TMPRSS2: variants seen among roughly 807,000 people sequenced by gnomAD.
TMPRSS2 encodes transmembrane protease serine 2.
Under a neutral mutation model 67.4 loss-of-function variants are expected in TMPRSS2, and 59 were observed. The observed-to-expected ratio is 0.88, with a 90% CI of 0.71 to 1.09. TMPRSS2 has a LOEUF of 1.09. Among genes scored for constraint, TMPRSS2 ranks in the 50% least tolerant of loss-of-function variants. The pLI is 0.00. For synonymous variants in TMPRSS2, 257 were observed against 257.0 expected (o/e 1.00, Z 0.00); for missense variants, 668 against 642.7 (o/e 1.04, Z -0.43).
At chr21:41,468,281 G>A in intron 12 of TMPRSS2, 115 bp downstream of exon 12, 13 of 1,370,226 alleles carry the variant, frequency 9.5e-6, no homozygotes, top group South Asian at 2.7e-5. Flanking sequence ...TGACTGCCCC[G>A]AGCTGGCTCC....
At chr21:41,503,376 G>T (rs1363459190) in intron 1 of TMPRSS2, among the ~76,000 whole-genome samples, 2 of 152,210 alleles carry the variant, frequency 1.3e-5, no homozygotes, top group Non-Finnish European at 2.9e-5. Context: ...ACTTGTCCAA[G>T]TCAATCTGTA....
In TMPRSS2 at chr21:41,502,677, C is replaced by T. The variant is rs532511763; in HGVS notation, c.-56-4488G>A. On this transcript the variant is annotated intron_variant, in intron 1 of 13. Coordinates refer to ENST00000332149, the MANE Select transcript of TMPRSS2 (RefSeq NM_005656.4). The stretch of plus-strand genomic sequence containing the variant: ...GTTAGCCAACAGTGGATTTCAGTGG[C>T]TGTTCAGCAGAAACTTGTTTATGTA... The T allele has an allele frequency of 6.6e-6, 5 of 760,988 alleles. No individual in the cohort carries two copies. The African/African-American group carries it at 9.5e-5, about 14-fold the overall frequency. The allele number at this position is 760,988 out of a possible 1,614,324, so 47.1% of individuals were successfully genotyped here.
intron 10 of TMPRSS2, 133 bp from the exon 11 acceptor site, chr21:41,470,876 C>A: frequency 3.3e-6 from 2 of 599,970 alleles, no homozygotes; most frequent in South Asian, 2.4e-5. Context: ...CCAACAAGTC[C>A]CACATTCTCA....
intron 8 of TMPRSS2, among the ~76,000 whole-genome samples, chr21:41,473,920 T>TGAG (rs1456428359): frequency 1.1e-5 from 1 of 92,592 alleles, no homozygotes; most frequent in African/African-American, 4.4e-5. Context: ...AAGGGGTGAG[T>TGAG]GAGGGAGTGA....
At chr21:41,483,455 T>G (rs1488121106) in intron 5 of TMPRSS2, among the ~76,000 whole-genome samples, 1 of 152,120 alleles carries the variant, frequency 6.6e-6, no homozygotes, top group African/African-American at 2.4e-5. Flanking sequence ...GCTAATTTTG[T>G]ATTTTTAGTA....
intron 9 of TMPRSS2, 29 bp downstream of exon 9, chr21:41,473,296 C>T (rs1372768696): frequency 1.3e-6 from 2 of 1,551,092 alleles, no homozygotes; most frequent in Admixed American, 3.7e-5. Context: ...CCCTGAGCCC[C>T]CACCCGGCCC....
In TMPRSS2 at chr21:41,478,882, G is replaced by T. The variant is rs561570726; in HGVS notation, c.683+290C>A. Among the ~76,000 whole-genome samples, 1 of 152,340 alleles carries T rather than the reference G, an allele frequency of 6.6e-6. No individual in the cohort carries two copies. Among genetic ancestry groups the T allele is most frequent in the Admixed American group, 6.5e-5 (1 of 15,304 alleles). ...CACCTCTAAATGTCTGAAGAGGAAA[G>T]AAAACTAAATAGAGTTGAATGTCGA... On this transcript the variant is annotated intron_variant, in intron 7 of 13. Transcript: ENST00000332149. This position sits in a 1 kb window ranked among gnomAD's most constrained non-coding sequence, Gnocchi z 4.0.
intron 13 of TMPRSS2, 102 bp from the exon 14 acceptor site, chr21:41,466,255 A>C: frequency 2.6e-6 from 3 of 1,167,692 alleles, no homozygotes; most frequent in Non-Finnish European, 3.8e-6. Flanking sequence ...TAGAAACCAA[A>C]TAAGCAAGCT....
At chr21:41,507,207 C>T (rs2091463853) in intron 1 of TMPRSS2, among the ~76,000 whole-genome samples, 1 of 152,318 alleles carries the variant, frequency 6.6e-6, no homozygotes, top group South Asian at 2.1e-4. Flanking sequence ...AGCAGAGCGC[C>T]CACTGCCAGA....
At chr21:41,499,491 T>G (rs2091409052) in intron 1 of TMPRSS2, among the ~76,000 whole-genome samples, 1 of 152,186 alleles carries the variant, frequency 6.6e-6, no homozygotes, top group Non-Finnish European at 1.5e-5. Flanking sequence ...ACTCTGGATA[T>G]CTGATCGGGT....
In TMPRSS2 at chr21:41,470,714, G is replaced by A. The variant is rs771215356; in HGVS notation, c.1105C>T (p.Pro369Ser). Residue 369 changes from proline (P) to serine (S), a missense_variant, in exon 11 of 14, where the codon CCA becomes TCA. Coordinates refer to ENST00000332149, the MANE Select transcript of TMPRSS2 (RefSeq NM_005656.4). ...TGTTCTGGCTGCAGCATCATGCCTGGGTTGGGCAGACACACTGGTTTCACT... is the reference window on the plus strand; with the variant it reads ...TGTTCTGGCTGCAGCATCATGCCTGAGTTGGGCAGACACACTGGTTTCACT... ...DLVKPVCLPNPGMMLQPEQLC... is the reference protein window; with the variant it reads ...DLVKPVCLPNSGMMLQPEQLC... 1.7e-5 allele frequency: 28 copies of A among 1,613,442 alleles called. No homozygotes were observed. The highest frequency in any genetic ancestry group is 1.9e-5 in the Non-Finnish European group (23 of 1,179,984).
chr21:41,468,834 C>T (rs9982402), intron 11 of TMPRSS2: 1 of 331,982 alleles, frequency 3.0e-6, no homozygotes, highest in African/African-American at 2.0e-5. Flanking sequence ...CTCTTATTCA[C>T]CCAACGGCTT....
chr21:41,498,518 T>A (rs1166260213), intron 1 of TMPRSS2, among the ~76,000 whole-genome samples: 2 of 152,038 alleles, frequency 1.3e-5, no homozygotes, highest in Admixed American at 6.6e-5. Flanking sequence ...GACTCAAACA[T>A]CCATCGGGAA....
intron 5 of TMPRSS2, among the ~76,000 whole-genome samples, chr21:41,481,625 A>G (rs922144936): frequency 6.6e-6 from 1 of 152,242 alleles, no homozygotes; most frequent in African/African-American, 2.4e-5. Flanking sequence ...TATGGTACAT[A>G]CATTACATAT....
intron 5 of TMPRSS2, among the ~76,000 whole-genome samples, chr21:41,485,564 G>A (rs1480128623): frequency 6.6e-6 from 1 of 151,172 alleles, no homozygotes; most frequent in African/African-American, 2.4e-5. Flanking sequence ...CTGGGGGATC[G>A]CTTAACCCCA....
chr21:41,477,023 G>T (rs922019749), intron 7 of TMPRSS2, among the ~76,000 whole-genome samples: 2 of 152,204 alleles, frequency 1.3e-5, no homozygotes, highest in African/African-American at 4.8e-5. Flanking sequence ...TTGTAGTGTT[G>T]AAAGCAATAT....
chr21:41,495,067 CAAAA>C (rs3037875), intron 2 of TMPRSS2, among the ~76,000 whole-genome samples: 3 of 136,876 alleles, frequency 2.2e-5, no homozygotes, highest in Admixed American at 7.2e-5. Context: ...GACTATGTCT[CAAAA>C]AAAAAAAAAA....
intron 7 of TMPRSS2, among the ~76,000 whole-genome samples, chr21:41,477,349 T>C (rs904326552): frequency 2.0e-5 from 3 of 152,222 alleles, no homozygotes; most frequent in Non-Finnish European, 4.4e-5. Flanking sequence ...ACAGGAACCT[T>C]GTGCTCACAA....
In TMPRSS2 at chr21:41,464,948, T is replaced by C. The variant is rs540046047; in HGVS notation, c.*1194A>G. ...TGCTCATGGTTATGGCACTTGGCAA[T>C]GCAAAAGGGACCCTTCCCCTGGTTG... On this transcript the variant is annotated 3_prime_UTR_variant, in exon 14 of 14. Coordinates refer to ENST00000332149, the MANE Select transcript of TMPRSS2 (RefSeq NM_005656.4). 1.3e-5 allele frequency: 3 copies of C among 233,290 alleles called. No homozygotes were observed. In the East Asian group the frequency reaches 1.8e-4, roughly 14 times the overall value. The allele number at this position is 233,290 out of a possible 1,614,324, so 14.5% of individuals were successfully genotyped here. A position where few individuals can be genotyped will look rare whatever the true frequency, so the allele number is the denominator to read the frequency against.
Sources: allele counts gnomAD v4.1 joint callset (sites outside exome capture counted in the v4.1 genomes callset), GRCh38; gene constraint gnomAD v4.1.1; non-coding constraint Gnocchi (gnomAD v3.1); transcripts MANE v1.5; gene names NCBI Gene and HGNC (gene_info 2026-07-23, HGNC 2026-07-21).